Variants in BRD10 observed in about 807,000 individuals in gnomAD.
BRD10 encodes the protein uncharacterized bromodomain-containing protein 10.
the BRD10 span, among the ~76,000 whole-genome samples, chr9:5,987,371 CCTT>C: frequency 8.5e-5 from 13 of 152,098 alleles, no homozygotes; most frequent in Non-Finnish European, 5.9e-5. Context: ...ACTACTACAG[CCTT>C]CTTCGTACAA....
At chr9:5,918,718 G>T in the BRD10 span, among the ~76,000 whole-genome samples, 3 of 146,270 alleles carry the variant, frequency 2.1e-5, no homozygotes, top group Admixed American at 1.4e-4. Context: ...CCTAATACTT[G>T]GGGGGCTGAG....
chr9:5,988,475 T>A, the BRD10 span: 1 of 1,613,920 alleles, frequency 6.2e-7, no homozygotes, highest in Non-Finnish European at 8.5e-7. Flanking sequence ...GTACATGCAG[T>A]TCCCTTCTCA....
the BRD10 span, among the ~76,000 whole-genome samples, chr9:5,900,055 G>C: frequency 1.3e-5 from 2 of 152,070 alleles, no homozygotes; most frequent in African/African-American, 2.4e-5. Context: ...AGTCTTTCAA[G>C]AAGTAAAGCT....
At chr9:5,898,713 C>T in the BRD10 span, among the ~76,000 whole-genome samples, 1 of 152,160 alleles carries the variant, frequency 6.6e-6, no homozygotes. Context: ...GGTTCTGTTA[C>T]TCCACTTTGT....
chr9:6,007,030 C>A, the BRD10 span, among the ~76,000 whole-genome samples: 2 of 152,370 alleles, frequency 1.3e-5, no homozygotes, highest in African/African-American at 4.8e-5. Context: ...CCCACCACAC[C>A]CCTCCGGTCC....
At chr9:5,941,355 C>A in the BRD10 span, among the ~76,000 whole-genome samples, 1 of 152,100 alleles carries the variant, frequency 6.6e-6, no homozygotes, top group African/African-American at 2.4e-5. Context: ...ACAAAATGTT[C>A]TGATTTCTTC....
At chr9:6,007,817 G>T in the BRD10 span, 1 of 1,434,906 alleles carries the variant, frequency 7.0e-7, no homozygotes. Context: ...GGGCGGTGTG[G>T]AACAGCCGCT....
At chr9:5,965,614 T>TA in the BRD10 span, among the ~76,000 whole-genome samples, 1 of 152,236 alleles carries the variant, frequency 6.6e-6, no homozygotes. Context: ...GGGGATGACT[T>TA]AAACATTATA....
chr9:5,892,360 C>T, the BRD10 span: 1 of 836,932 alleles, frequency 1.2e-6, no homozygotes, highest in Non-Finnish European at 1.8e-6. Flanking sequence ...ATATTGGTCA[C>T]CTAGTGAGGA....
the BRD10 span, among the ~76,000 whole-genome samples, chr9:5,957,530 C>T: frequency 2.0e-5 from 3 of 152,078 alleles, no homozygotes; most frequent in African/African-American, 7.2e-5. Context: ...GGAGCTGTAG[C>T]TAATATGCAC....
At chr9:5,960,244 T>C in the BRD10 span, among the ~76,000 whole-genome samples, 3 of 152,300 alleles carry the variant, frequency 2.0e-5, no homozygotes, top group South Asian at 6.2e-4. Context: ...TTAGAGGTGC[T>C]ACCATAAAGT....
chr9:5,903,519 AT>A, the BRD10 span, among the ~76,000 whole-genome samples: 1 of 152,214 alleles, frequency 6.6e-6, no homozygotes, highest in South Asian at 2.1e-4. Context: ...TGTTGGCCTC[AT>A]ACAATGAGTT....
At chr9:5,923,059 A>G in the BRD10 span, 1 of 1,613,882 alleles carries the variant, frequency 6.2e-7, no homozygotes, top group Admixed American at 1.7e-5. Flanking sequence ...ATGGCTCTGT[A>G]TGCTTTGATT....
the BRD10 span, among the ~76,000 whole-genome samples, chr9:5,902,547 C>G: frequency 0.011 from 1,717 of 151,994 alleles, 30 homozygotes; most frequent in African/African-American, 0.039. Context: ...TCACTGTTAC[C>G]TTGAACTCCT....
chr9:5,933,206 T>C, the BRD10 span, among the ~76,000 whole-genome samples: 7 of 152,344 alleles, frequency 4.6e-5, no homozygotes, highest in African/African-American at 1.7e-4. Context: ...TAAACAAGTA[T>C]GTGAACACAG....
the BRD10 span, among the ~76,000 whole-genome samples, chr9:6,006,054 A>G: frequency 6.6e-6 from 1 of 152,238 alleles, no homozygotes; most frequent in South Asian, 2.1e-4. Context: ...CCAAAAAATT[A>G]ACACAATTTC....
At chr9:5,988,552 G>C in the BRD10 span, 1 of 1,608,798 alleles carries the variant, frequency 6.2e-7, no homozygotes, top group South Asian at 1.1e-5. Context: ...GTGCCTTGGA[G>C]AAGAATAAGT....
At chr9:5,997,297 T>C in the BRD10 span, among the ~76,000 whole-genome samples, 1 of 152,230 alleles carries the variant, frequency 6.6e-6, no homozygotes, top group East Asian at 1.9e-4. Flanking sequence ...ACCACTCTTA[T>C]TCCCCACAAA....
At chr9:5,914,834 A>G in the BRD10 span, among the ~76,000 whole-genome samples, 1 of 152,174 alleles carries the variant, frequency 6.6e-6, no homozygotes, top group Non-Finnish European at 1.5e-5. Context: ...ATGGTTCACT[A>G]TTATGTAAAC....
Sources: gnomAD v4.1 joint callset for allele counts (sites outside exome capture counted in the v4.1 genomes callset) on GRCh38, gnomAD v4.1.1 for gene constraint, MANE v1.5 for transcripts, NCBI Gene and HGNC (gene_info 2026-07-23, HGNC 2026-07-21) for gene names.